PIBF1: variants seen among roughly 807,000 people sequenced by gnomAD.
PIBF1 encodes the protein progesterone-induced-blocking factor 1.
In PIBF1, 90 loss-of-function variants were observed where a neutral mutation model predicts 112.5. That is an observed-to-expected ratio of 0.80 (90% CI 0.67 to 0.95). The LOEUF (loss-of-function observed/expected upper bound fraction) is 0.95. Among genes scored for constraint, PIBF1 ranks in the 40% least tolerant of loss-of-function variants. The pLI is 0.00. For synonymous variants in PIBF1, 301 were observed against 288.6 expected (o/e 1.04, Z -0.44); for missense variants, 915 against 852.3 (o/e 1.07, Z -0.92).
intron 9 of PIBF1, among the ~76,000 whole-genome samples, chr13:72,853,141 G>A (rs1044072901): frequency 2.3e-4 from 35 of 151,720 alleles, no homozygotes; most frequent in African/African-American, 8.0e-4. Context: ...TGATTAAAAG[G>A]CAAAAGTTTT....
chr13:72,953,539 T>A (rs2138864251), intron 14 of PIBF1, among the ~76,000 whole-genome samples: 1 of 152,224 alleles, frequency 6.6e-6, no homozygotes, highest in South Asian at 2.1e-4. Context: ...CCAGTTCTGA[T>A]GGGGGTAGGA....
At chr13:72,786,460 A>G (rs2138327914) in intron 2 of PIBF1, among the ~76,000 whole-genome samples, 1 of 152,240 alleles carries the variant, frequency 6.6e-6, no homozygotes, top group African/African-American at 2.4e-5. Flanking sequence ...TGTAAATTAT[A>G]TGCTTTGTTT....
At chr13:72,817,379 T>C (rs2036323555) in intron 5 of PIBF1, among the ~76,000 whole-genome samples, 1 of 152,232 alleles carries the variant, frequency 6.6e-6, no homozygotes, top group African/African-American at 2.4e-5. Flanking sequence ...TGTAGAAATT[T>C]TCTGTTAGTA....
intron 15 of PIBF1, chr13:72,969,755 T>G (rs1001317708): frequency 2.6e-5 from 4 of 152,184 alleles, no homozygotes; most frequent in African/African-American, 9.7e-5. Flanking sequence ...CTCCTTATGG[T>G]AAATGTGTCT....
At chr13:72,961,579 T>G (rs1423545969) in intron 14 of PIBF1, among the ~76,000 whole-genome samples, 1 of 152,196 alleles carries the variant, frequency 6.6e-6, no homozygotes, top group East Asian at 1.9e-4. Flanking sequence ...GCTAGACGTT[T>G]ATCGCCAAAT....
rs10645002 is a variant in PIBF1, at chr13:73,001,582, C to CTTTTTTTTTTTTTTTTTTTTTTTTTTT, written c.2223+2605_2223+2606insTTTTTTTTTTTTTTTTTTTTTTTTTTT. Among the ~76,000 whole-genome samples the CTTTTTTTTTTTTTTTTTTTTTTTTTTT allele has an allele frequency of 3.8e-4, 11 of 29,172 alleles. 1 individual carries two copies. Among genetic ancestry groups the CTTTTTTTTTTTTTTTTTTTTTTTTTTT allele is most frequent in the East Asian group, 1.6e-3 (1 of 642 alleles). 19.1% of individuals were successfully genotyped at this position (29,172 alleles called of 152,430 possible). ...CAGAGGAGGAGAAATAAGAGCTTGA[C>CTTTTTTTTTTTTTTTTTTTTTTTTTTT]TTTTTTTTTTTTTTTTTTGACACTT... On this transcript the variant is annotated intron_variant, in intron 17 of 17. Coordinates refer to ENST00000326291, the MANE Select transcript of PIBF1 (RefSeq NM_006346.4).
intron 10 of PIBF1, among the ~76,000 whole-genome samples, chr13:72,877,949 A>G (rs898003030): frequency 6.6e-6 from 1 of 151,890 alleles, no homozygotes. Flanking sequence ...GGGTTTCTCC[A>G]TGTTGGTCAG....
intron 9 of PIBF1, among the ~76,000 whole-genome samples, chr13:72,849,456 T>C (rs2038030351): frequency 6.6e-6 from 1 of 152,224 alleles, no homozygotes; most frequent in South Asian, 2.1e-4. Context: ...TCTGTTATAT[T>C]TTCTAATGCA....
intron 14 of PIBF1, among the ~76,000 whole-genome samples, chr13:72,932,602 T>C (rs991042238): frequency 5.9e-5 from 9 of 152,276 alleles, no homozygotes; most frequent in African/African-American, 2.2e-4. Context: ...CATGGCTGAC[T>C]TCAAACTACC....
At chr13:72,949,133 TATATG>T (rs1316766613) in intron 14 of PIBF1, among the ~76,000 whole-genome samples, 1 of 152,150 alleles carries the variant, frequency 6.6e-6, no homozygotes, top group African/African-American at 2.4e-5. Flanking sequence ...AATACTGTAA[TATATG>T]ATATGACCAT....
chr13:72,914,246 C>T (rs1566441205), intron 12 of PIBF1, among the ~76,000 whole-genome samples: 1 of 151,970 alleles, frequency 6.6e-6, no homozygotes, highest in Admixed American at 6.6e-5. Context: ...ATTAAAGTAT[C>T]TTATTTATAC....
At chr13:72,901,401 G>A (rs903824488) in intron 11 of PIBF1, among the ~76,000 whole-genome samples, 93 of 152,038 alleles carry the variant, frequency 6.1e-4, no homozygotes, top group African/African-American at 2.1e-3. Flanking sequence ...GAATCAAAAA[G>A]CAGTAGGCTG....
intron 9 of PIBF1, among the ~76,000 whole-genome samples, chr13:72,851,696 ACG>A (rs2038165375): frequency 6.6e-6 from 1 of 152,072 alleles, no homozygotes; most frequent in African/African-American, 2.4e-5. Context: ...GTTTCACAGA[ACG>A]GAGTGAGAAC....
rs778955423 is a variant in PIBF1 at position 72,899,324 on chromosome 13, A to C, written c.1488+5375A>C. Among the ~76,000 whole-genome samples, 49 of 152,194 alleles carry C rather than the reference A, an allele frequency of 3.2e-4. 1 individual carries two copies. Among genetic ancestry groups the C allele is most frequent in the Non-Finnish European group, 1.0e-4 (7 of 68,032 alleles). On this transcript the variant is annotated intron_variant, in intron 11 of 17. Transcript: ENST00000326291. ...AACCAGGAAAGGATACAACCAAAAA[A>C]GAAAACTACAGACTGATATCTTTGA...
At chr13:72,793,346 C>T (rs1226934327) in intron 3 of PIBF1, among the ~76,000 whole-genome samples, 3 of 152,116 alleles carry the variant, frequency 2.0e-5, no homozygotes, top group South Asian at 2.1e-4. Flanking sequence ...AAAAAATTAT[C>T]GGACCTTTTT....
chr13:72,962,554 G>A (rs1334302306), intron 14 of PIBF1, among the ~76,000 whole-genome samples: 1 of 151,024 alleles, frequency 6.6e-6, no homozygotes, highest in African/African-American at 2.4e-5. Flanking sequence ...CCATGATGTT[G>A]CCACTGCACT....
chr13:73,008,228 T>TA (rs1422417629), intron 17 of PIBF1, among the ~76,000 whole-genome samples: 2 of 152,174 alleles, frequency 1.3e-5, no homozygotes, highest in East Asian at 1.9e-4. Flanking sequence ...ATGATATAAG[T>TA]AAATTTGAGT....
chr13:72,982,867 A>G lies in PIBF1; in HGVS notation c.2049+9192A>G, dbSNP rs2043187183. On this transcript the variant is annotated intron_variant, in intron 16 of 17. Transcript: ENST00000326291. ...AATTTTACTTACATACTACTTTTAC[A>G]TACAATTTTAGATACATACTACTGA... Among the ~76,000 whole-genome samples, 4 of 152,200 alleles carry G rather than the reference A, an allele frequency of 2.6e-5. No homozygotes were observed. In the South Asian group the frequency reaches 6.2e-4, roughly 24 times the overall value.
rs1215168897 is a variant in PIBF1, at chr13:72,956,546, T to C, written c.1834-8728T>C. On this transcript the variant is annotated intron_variant, in intron 14 of 17. Transcript: ENST00000326291. The stretch of plus-strand genomic sequence containing the variant: ...GCCAGCATTTTCTTCTCAGAGCCTA[T>C]ACAATTTGATCTATCTGTGGCATGG... Among the ~76,000 whole-genome samples the C allele has an allele frequency of 5.9e-5, 9 of 152,356 alleles. No homozygotes were observed. In the East Asian group the frequency reaches 1.2e-3, roughly 20 times the overall value.
Sources: gnomAD v4.1 joint callset for allele counts (sites outside exome capture counted in the v4.1 genomes callset) on GRCh38, gnomAD v4.1.1 for gene constraint, MANE v1.5 for transcripts, NCBI Gene and HGNC (gene_info 2026-07-23, HGNC 2026-07-21) for gene names.